DNAH6: variants seen among roughly 807,000 people sequenced by gnomAD.
The protein encoded by DNAH6 is dynein axonemal heavy chain 6.
DNAH6 carries 340 observed loss-of-function variants against 491.4 expected under a neutral mutation model. The observed-to-expected ratio is 0.69, with a 90% confidence interval of 0.63 to 0.76. The LOEUF (loss-of-function observed/expected upper bound fraction) is 0.76. DNAH6 is among the 30% of genes least tolerant of loss of function. The probability of loss-of-function intolerance (pLI) is 0.00; values close to 1 mark genes in which losing one functional copy is unlikely to be tolerated. For synonymous variants in DNAH6, 1,603 were observed against 1,686.1 expected (o/e 0.95, Z 1.21); for missense variants, 4,443 against 4,972.2 (o/e 0.89, Z 3.20).
chr2:84,756,706 A>G (rs1355777541), intron 63 of DNAH6, among the ~76,000 whole-genome samples: 5 of 152,220 alleles, frequency 3.3e-5, no homozygotes, highest in Non-Finnish European at 7.3e-5. Context: ...ATTCCCAGTC[A>G]CAGAGAAGTT....
chr2:84,594,671 G>T (rs1684411112), intron 17 of DNAH6, among the ~76,000 whole-genome samples: 1 of 152,118 alleles, frequency 6.6e-6, no homozygotes, highest in Admixed American at 6.5e-5. Flanking sequence ...TTCAAGTGTG[G>T]TATGGACATG....
chr2:84,661,395 A>G (rs975411888), intron 37 of DNAH6, among the ~76,000 whole-genome samples: 1 of 152,164 alleles, frequency 6.6e-6, no homozygotes, highest in African/African-American at 2.4e-5. Flanking sequence ...GAAGTAAAAT[A>G]GTCATTATTT....
In DNAH6 at chr2:84,711,126, A is replaced by C. The variant is rs144165979; in HGVS notation, c.9378+714A>C. Among the ~76,000 whole-genome samples, 4 of 152,296 alleles carry C rather than the reference A, an allele frequency of 2.6e-5. No homozygotes were observed. In the East Asian group the frequency reaches 7.7e-4, roughly 29 times the overall value. On this transcript the variant is annotated intron_variant, in intron 56 of 76. Coordinates refer to ENST00000389394, the MANE Select transcript of DNAH6 (RefSeq NM_001370.2). Reference sequence around the variant, plus strand: ...AAGAAACTTGTTATCAGAGGTTTGAAAGGGTAAAGAGGGGGCTGGGATAGT... The same window carrying C: ...AAGAAACTTGTTATCAGAGGTTTGACAGGGTAAAGAGGGGGCTGGGATAGT...
rs1358425321 is a variant in DNAH6, at chr2:84,705,752, A to G, written c.8727+5A>G. On this transcript the variant is annotated splice_donor_5th_base_variant and intron_variant, in intron 52 of 76. Transcript: ENST00000389394. ...CAAAAGCTCCGCGCCGCACAGGTAC[A>G]TTTTCTGTATTGTGATATTTTATAG... The G allele has an allele frequency of 2.7e-5, 42 of 1,538,094 alleles. No individual in the cohort carries two copies. The highest frequency in any genetic ancestry group is 3.4e-5 in the Non-Finnish European group (39 of 1,142,098).
At position 84,785,725 on chromosome 2, in the gene DNAH6, T is replaced by G; in HGVS notation, c.11069T>G (p.Phe3690Cys). 1.3e-6 allele frequency: 2 copies of G among 1,546,312 alleles called. No homozygotes were observed. The highest frequency in any genetic ancestry group is 1.7e-6 in the Non-Finnish European group (2 of 1,145,132). The change falls in exon 67 of 77, where the codon TTT becomes TGT. Residue 3690 changes from phenylalanine to cysteine, a missense_variant. This residue lies in a region of DNAH6 where 1,463 missense variants were observed against 1,656.6 expected (regional missense o/e 0.88). Transcript: ENST00000389394. The stretch of plus-strand genomic sequence containing the variant: ...GGAAAAAAATGGAGACAAATAATAT[T>G]TGGCATTTGTTTCTTCCATGCAATT... ...ILGKKWRQII[F>C]GICFFHAIIQ...
Position 84,654,665 on chromosome 2 carries a change from A to G in DNAH6, c.5640A>G (p.Gln1880=), listed in dbSNP as rs1278307733. Residue 1880 remains glutamine (Q), a synonymous_variant, in exon 35 of 77, where the codon CAA becomes CAG. Transcript: ENST00000389394. The stretch of plus-strand genomic sequence containing the variant: ...TCAATTTTCTTCAACTTTAGGTGCA[A>G]GATCTGCGGGTTGCCTCCCCTGCAA... ...TPQIHMLFEV[Q]DLRVASPATV... 2.6e-6 allele frequency: 4 copies of G among 1,550,776 alleles called. No homozygotes were observed. In the Admixed American group the frequency reaches 7.9e-5, roughly 30 times the overall value.
chr2:84,536,791 G>A (rs1677732906), intron 4 of DNAH6, among the ~76,000 whole-genome samples: 1 of 151,948 alleles, frequency 6.6e-6, no homozygotes, highest in African/African-American at 2.4e-5. Flanking sequence ...CATTCATCAT[G>A]TCTTGATTAG....
chr2:84,781,796 T>G, intron 65 of DNAH6, 143 bp downstream of exon 65: 1 of 1,034,982 alleles, frequency 9.7e-7, no homozygotes, highest in Non-Finnish European at 1.3e-6. Context: ...CTAGACAGAT[T>G]TAGCTAATTT....
chr2:84,583,799 C>A (rs370318282), intron 14 of DNAH6, among the ~76,000 whole-genome samples, 200 bp from the exon 15 acceptor site: 1 of 148,842 alleles, frequency 6.7e-6, no homozygotes, highest in Non-Finnish European at 1.5e-5. Flanking sequence ...GACTGTGAGT[C>A]CTCCCCAGCC....
intron 63 of DNAH6, among the ~76,000 whole-genome samples, chr2:84,756,400 T>C (rs1347838761): frequency 2.0e-5 from 3 of 152,222 alleles, no homozygotes; most frequent in African/African-American, 7.2e-5. Flanking sequence ...TAATGACCTA[T>C]CCATTAGCCT....
chr2:84,708,100 G>A (rs545937840), intron 54 of DNAH6, among the ~76,000 whole-genome samples: 1 of 152,268 alleles, frequency 6.6e-6, no homozygotes, highest in East Asian at 1.9e-4. Flanking sequence ...GAGCAGGCAG[G>A]ACCAGGAGGA....
intron 25 of DNAH6, 36 bp downstream of exon 25, chr2:84,621,391 T>C: frequency 6.5e-7 from 1 of 1,547,242 alleles, no homozygotes; most frequent in Non-Finnish European, 8.7e-7. Context: ...CCTGAATTCT[T>C]ATTTGGTGAT....
At chr2:84,744,906 T>C (rs953198955) in intron 62 of DNAH6, among the ~76,000 whole-genome samples, 174 bp from the exon 63 acceptor site, 1 of 152,206 alleles carries the variant, frequency 6.6e-6, no homozygotes, top group African/African-American at 2.4e-5. Flanking sequence ...GATTACATTT[T>C]AAATTCTTTA....
At chr2:84,804,001 G>A (rs994444057) in intron 70 of DNAH6, among the ~76,000 whole-genome samples, 3 of 152,136 alleles carry the variant, frequency 2.0e-5, no homozygotes, top group Non-Finnish European at 4.4e-5. Context: ...GAGGCCAGGA[G>A]TTCGGGACCA....
intron 64 of DNAH6, among the ~76,000 whole-genome samples, chr2:84,768,510 TG>T (rs1675300290): frequency 6.6e-6 from 1 of 151,926 alleles, no homozygotes; most frequent in Admixed American, 6.6e-5. Context: ...CTTTTAAAAT[TG>T]ATAAGCATAA....
Position 84,634,574 on chromosome 2 carries a change from T to G in DNAH6, c.4586T>G (p.Ile1529Ser). 6.4e-7 allele frequency: 1 copy of G among 1,550,700 alleles called. No individual in the cohort carries two copies. The highest frequency in any genetic ancestry group is 8.7e-7 in the Non-Finnish European group (1 of 1,146,574). The change falls in exon 30 of 77, where the codon ATT becomes AGT. Residue 1529 changes from isoleucine to serine, a missense_variant. By Grantham distance (142) the Ile-to-Ser change is moderately radical (BLOSUM62 -2). This residue lies in a region of DNAH6 where 2,977 missense variants were observed against 3,296.6 expected (regional missense o/e 0.90). Transcript: ENST00000389394. ...TGCTGCTTTGATGAATTTAATCGAA[T>G]TGACATAGAAGTTCTGTCCGTCATC... ...AWCCFDEFNR[I>S]DIEVLSVIAQ...
At chr2:84,663,095 T>A (rs892905093) in intron 37 of DNAH6, among the ~76,000 whole-genome samples, 1 of 152,034 alleles carries the variant, frequency 6.6e-6, no homozygotes, top group Non-Finnish European at 1.5e-5. Flanking sequence ...TACGACACCA[T>A]CATCAAAGAC....
intron 62 of DNAH6, among the ~76,000 whole-genome samples, chr2:84,743,006 C>G (rs1027807715): frequency 8.5e-5 from 13 of 152,062 alleles, no homozygotes; most frequent in Admixed American, 4.6e-4. Context: ...TTTTGTCCCC[C>G]ACTAGTAAAA....
At chr2:84,741,097 C>T (rs1672486349) in intron 62 of DNAH6, among the ~76,000 whole-genome samples, 1 of 151,996 alleles carries the variant, frequency 6.6e-6, no homozygotes, top group Non-Finnish European at 1.5e-5. Context: ...GAGTGTGGTC[C>T]ACTCAAGTCT....
Sources: gnomAD v4.1 joint callset for allele counts (sites outside exome capture counted in the v4.1 genomes callset) on GRCh38, gnomAD v4.1.1 for gene constraint, gnomAD v4.1.1 regional missense constraint, MANE v1.5 for transcripts, NCBI Gene and HGNC (gene_info 2026-07-23, HGNC 2026-07-21) for gene names.